Variants in DNAJC13 observed in about 807,000 individuals in gnomAD.
DNAJC13 encodes dnaJ homolog subfamily C member 13.
In DNAJC13, 75 loss-of-function variants were observed where a neutral mutation model predicts 290.5. The ratio of observed to expected loss-of-function variants is 0.26; its 90% CI spans 0.21 to 0.31. DNAJC13 has a LOEUF of 0.31. DNAJC13 is among the 10% of genes least tolerant of loss of function. DNAJC13 has a pLI of 1.00. For synonymous variants in DNAJC13, 862 were observed against 892.0 expected (o/e 0.97, Z 0.60); for missense variants, 2,260 against 2,674.5 (o/e 0.85, Z 3.42).
rs754695693 is a variant in DNAJC13, at chr3:132,499,111, C to T, written c.4157-15C>T. The T allele has an allele frequency of 9.0e-6, 14 of 1,555,358 alleles. No homozygotes were observed. The highest frequency in any genetic ancestry group is 1.7e-4 in the Middle Eastern group (1 of 5,832). On this transcript the variant is annotated splice_polypyrimidine_tract_variant and intron_variant, in intron 36 of 55. Transcript: ENST00000260818. The stretch of plus-strand genomic sequence containing the variant: ...TTTGTTTTGTTTTTCTAACACTAAC[C>T]ATTGGTTATTTCAGATTTACAGCCT...
chr3:132,422,094 G>A (rs1938976044), intron 1 of DNAJC13, among the ~76,000 whole-genome samples: 3 of 150,450 alleles, frequency 2.0e-5, no homozygotes, highest in South Asian at 2.1e-4. Flanking sequence ...GCAGTGACAC[G>A]ATCATAGCTC....
At chr3:132,491,603 A>C (rs993187142) in intron 32 of DNAJC13, among the ~76,000 whole-genome samples, 1 of 152,188 alleles carries the variant, frequency 6.6e-6, no homozygotes, top group East Asian at 1.9e-4. Context: ...GGAAACACAG[A>C]AAAAGGAAAG....
intron 13 of DNAJC13, among the ~76,000 whole-genome samples, chr3:132,459,962 G>T (rs1350521367): frequency 6.6e-6 from 1 of 152,140 alleles, no homozygotes; most frequent in African/African-American, 2.4e-5. Context: ...ATAAAATTCT[G>T]GGTGGGCAAA....
intron 8 of DNAJC13, 60 bp downstream of exon 8, chr3:132,453,754 T>G (rs549716405): frequency 9.2e-6 from 13 of 1,411,232 alleles, no homozygotes; most frequent in Non-Finnish European, 1.3e-5. Flanking sequence ...TTAGGATAAT[T>G]TTCTTTCTAT....
In DNAJC13 at chr3:132,525,741, C is replaced by T. The variant is rs768782811; in HGVS notation, c.6192C>T (p.Ala2064=). The part of the protein sequence containing the change: ...VIQAMNHRNN[A]IPKSAIRVIH... ...AGGCAATGAATCATAGGAACAATGC[C>T]ATTCCTAAGAGTGCCATTCGGGTTA... The change falls in exon 52 of 56, where the codon GCC becomes GCT. Residue 2064 remains alanine, a synonymous_variant. Transcript: ENST00000260818. 9 of 1,614,024 alleles carry T rather than the reference C, an allele frequency of 5.6e-6. No individual in the cohort carries two copies. In the South Asian group the frequency reaches 7.7e-5, roughly 14 times the overall value.
intron 1 of DNAJC13, among the ~76,000 whole-genome samples, chr3:132,423,881 C>A (rs1035099204): frequency 2.0e-5 from 3 of 152,110 alleles, no homozygotes; most frequent in Non-Finnish European, 4.4e-5. Flanking sequence ...GGAAAAACAG[C>A]AACAAGTTAA....
chr3:132,466,483 G>C (rs751482736), intron 19 of DNAJC13, 89 bp downstream of exon 19: 19 of 1,103,954 alleles, frequency 1.7e-5, no homozygotes, highest in Non-Finnish European at 2.2e-5. Context: ...AAAAATTTTA[G>C]AAACAAAGAA....
intron 1 of DNAJC13, among the ~76,000 whole-genome samples, chr3:132,421,057 A>G (rs1938945353): frequency 6.6e-6 from 1 of 152,244 alleles, no homozygotes; most frequent in African/African-American, 2.4e-5. Flanking sequence ...CAATGCAGTG[A>G]GCATTGGATG....
chr3:132,450,226 T>A (rs1181281929), intron 5 of DNAJC13, among the ~76,000 whole-genome samples: 4 of 152,086 alleles, frequency 2.6e-5, no homozygotes, highest in Admixed American at 2.6e-4. Context: ...AATTGAATAT[T>A]ACAACTTCCC....
At chr3:132,440,789 C>T (rs138854614) in intron 2 of DNAJC13, among the ~76,000 whole-genome samples, 31 of 152,310 alleles carry the variant, frequency 2.0e-4, no homozygotes, top group African/African-American at 7.0e-4. Flanking sequence ...TGTTAAGCAA[C>T]GCATGACTGT....
At position 132,514,656 on chromosome 3, in the gene DNAJC13, A is replaced by G; in HGVS notation, c.5471A>G (p.His1824Arg). Residue 1824 changes from histidine (H) to arginine (R), a missense_variant, in exon 46 of 56, where the codon CAT becomes CGT. Around this residue, in one of 3 missense-constraint regions of DNAJC13, gnomAD observed 1,494 missense variants for 1,693.7 expected, o/e 0.88. Coordinates refer to ENST00000260818, the MANE Select transcript of DNAJC13 (RefSeq NM_015268.4). ...TTGTCCAGTTTATTGGCTCTTCTACATTCATTGCCATCAAGTATGTATACA... is the reference window on the plus strand; with the variant it reads ...TTGTCCAGTTTATTGGCTCTTCTACGTTCATTGCCATCAAGTATGTATACA... ...MVLSSLLALLHSLPSSRQLVL... is the reference protein window; with the variant it reads ...MVLSSLLALLRSLPSSRQLVL... 2 of 1,610,150 alleles carry G rather than the reference A, an allele frequency of 1.2e-6. No homozygotes were observed. The highest frequency in any genetic ancestry group is 1.7e-6 in the Non-Finnish European group (2 of 1,178,144).
At chr3:132,476,731 A>AG in intron 22 of DNAJC13, among the ~76,000 whole-genome samples, 1 of 152,312 alleles carries the variant, frequency 6.6e-6, no homozygotes, top group South Asian at 2.1e-4. Flanking sequence ...TCTTGCCTCA[A>AG]GGTCGTCTTC....
At chr3:132,440,510 A>G (rs952455667) in intron 2 of DNAJC13, among the ~76,000 whole-genome samples, 1 of 152,222 alleles carries the variant, frequency 6.6e-6, no homozygotes, top group Non-Finnish European at 1.5e-5. Context: ...ATTTCCATCA[A>G]TGATGGACTG....
At position 132,495,176 on chromosome 3, in the gene DNAJC13, G is replaced by C. The variant is rs765479700; in HGVS notation, c.4020+10G>C. The C allele has an allele frequency of 5.0e-6, 8 of 1,609,742 alleles. No homozygotes were observed. The highest frequency in any genetic ancestry group is 1.7e-4 in the Middle Eastern group (1 of 6,048). On this transcript the variant is annotated intron_variant, in intron 35 of 55. Coordinates refer to ENST00000260818, the MANE Select transcript of DNAJC13 (RefSeq NM_015268.4). ...GAATCCAGAAGGGAGGGTATGTACT[G>C]CTGTTGGAATTCAGGCATTGGGCTT...
At chr3:132,449,327 C>T (rs937646779) in intron 5 of DNAJC13, among the ~76,000 whole-genome samples, 1 of 152,158 alleles carries the variant, frequency 6.6e-6, no homozygotes, top group African/African-American at 2.4e-5. Flanking sequence ...CAGCACATCT[C>T]ATTAATGGCA....
intron 46 of DNAJC13, among the ~76,000 whole-genome samples, chr3:132,516,051 A>G (rs1011749044): frequency 1.3e-5 from 2 of 152,228 alleles, no homozygotes; most frequent in Non-Finnish European, 2.9e-5. Context: ...CAGTAGCACC[A>G]GGTAAAAATC....
chr3:132,421,839 G>A (rs1403593782), intron 1 of DNAJC13, among the ~76,000 whole-genome samples: 3 of 151,984 alleles, frequency 2.0e-5, no homozygotes, highest in African/African-American at 4.8e-5. Flanking sequence ...AAAAGAACAG[G>A]GTTAATAAAG....
At chr3:132,472,006 G>A (rs1463468942) in intron 20 of DNAJC13, among the ~76,000 whole-genome samples, 1 of 149,564 alleles carries the variant, frequency 6.7e-6, no homozygotes, top group African/African-American at 2.5e-5. Context: ...CACCTCGGGA[G>A]GCTGAGGTTG....
intron 1 of DNAJC13, among the ~76,000 whole-genome samples, chr3:132,430,998 G>C (rs1478737531): frequency 1.3e-5 from 2 of 152,102 alleles, no homozygotes; most frequent in Admixed American, 6.5e-5. Context: ...AACAATAAAA[G>C]CTTCTTTAAA....
Sources: gnomAD v4.1 joint callset for allele counts (sites outside exome capture counted in the v4.1 genomes callset) on GRCh38, gnomAD v4.1.1 for gene constraint, gnomAD v4.1.1 regional missense constraint, MANE v1.5 for transcripts, NCBI Gene and HGNC (gene_info 2026-07-23, HGNC 2026-07-21) for gene names.